CNTNAP2: variants seen among roughly 807,000 people sequenced by gnomAD.
CNTNAP2 encodes the protein contactin associated protein 2.
In CNTNAP2, 98 loss-of-function variants were observed where a neutral mutation model predicts 155.2. That is an observed-to-expected ratio of 0.63 (90% CI 0.54 to 0.75). The LOEUF is 0.75. Ranked by LOEUF, CNTNAP2 falls within the 30% of genes least tolerant of loss-of-function variation. The pLI, the probability that CNTNAP2 is intolerant of heterozygous loss-of-function variation, is 0.00. For missense variants in CNTNAP2, 1,727 were observed against 1,688.1 expected (o/e 1.02, Z -0.40); for synonymous variants, 651 against 631.2 (o/e 1.03, Z -0.47).
At chr7:148,157,220 AATT>A (rs1183576962) in intron 17 of CNTNAP2, among the ~76,000 whole-genome samples, 1 of 152,112 alleles carries the variant, frequency 6.6e-6, no homozygotes, top group Non-Finnish European at 1.5e-5. Context: ...AACCCCAGAA[AATT>A]ATTATTATTC....
intron 8 of CNTNAP2, among the ~76,000 whole-genome samples, chr7:147,185,759 G>T (rs1377732507): frequency 3.3e-5 from 5 of 152,130 alleles, no homozygotes; most frequent in Non-Finnish European, 5.9e-5. Context: ...ATCTTGAATT[G>T]TGGCTCCCAT....
chr7:147,300,877 G>A (rs544298134), intron 9 of CNTNAP2, among the ~76,000 whole-genome samples: 5 of 152,180 alleles, frequency 3.3e-5, no homozygotes, highest in African/African-American at 1.2e-4. Context: ...TCTCCCGGGG[G>A]TCACTGGGCA....
chr7:147,387,258 T>C (rs1052563468), intron 9 of CNTNAP2, among the ~76,000 whole-genome samples: 36 of 152,176 alleles, frequency 2.4e-4, no homozygotes, highest in Non-Finnish European at 2.9e-5. Flanking sequence ...TTTTTCTGAT[T>C]CTCCAGTCTC....
intron 21 of CNTNAP2, among the ~76,000 whole-genome samples, chr7:148,302,813 C>CTTTTTT (rs59354674): frequency 4.3e-4 from 37 of 86,912 alleles, no homozygotes; most frequent in East Asian, 7.7e-4. Flanking sequence ...CTCGATTATT[C>CTTTTTT]TTTTTTTTTT....
chr7:147,901,235 C>T (rs4725753), intron 13 of CNTNAP2, among the ~76,000 whole-genome samples: 21 of 151,996 alleles, frequency 1.4e-4, no homozygotes, highest in Admixed American at 1.3e-3. Flanking sequence ...CATCTAGCCT[C>T]CCTGAATCCA....
intron 8 of CNTNAP2, among the ~76,000 whole-genome samples, chr7:147,159,522 A>G (rs1345875764): frequency 6.6e-6 from 1 of 152,070 alleles, no homozygotes; most frequent in Admixed American, 6.6e-5. Flanking sequence ...AAAACATATA[A>G]CCAACTCTAT....
chr7:146,151,659 T>TAC (rs1330689776), intron 1 of CNTNAP2, among the ~76,000 whole-genome samples: 12 of 37,564 alleles, frequency 3.2e-4, no homozygotes, highest in Admixed American at 6.4e-4. Context: ...TATATATATA[T>TAC]ATATATATAT....
At position 147,966,835 on chromosome 7, in the gene CNTNAP2, T is replaced by A. The variant is rs78835249; in HGVS notation, c.2256-11027T>A. The stretch of plus-strand genomic sequence containing the variant: ...TTTAAAGGCACCCACCCAGGGGCCA[T>A]CAAGGCAAGAGTGAGGAGGAGTGTG... On this transcript the variant is annotated intron_variant, in intron 14 of 23. Coordinates refer to ENST00000361727, the MANE Select transcript of CNTNAP2 (RefSeq NM_014141.6). Among the ~76,000 whole-genome samples the A allele has an allele frequency of 5.1e-4, 78 of 152,184 alleles. No individual in the cohort carries two copies. In the East Asian group the frequency reaches 0.012, roughly 23 times the overall value.
intron 1 of CNTNAP2, among the ~76,000 whole-genome samples, chr7:146,462,875 A>G (rs1279049975): frequency 6.6e-6 from 1 of 152,154 alleles, no homozygotes; most frequent in Admixed American, 6.6e-5. Flanking sequence ...ATAGTCCAGA[A>G]ATTAGTAGTA....
intron 21 of CNTNAP2, among the ~76,000 whole-genome samples, chr7:148,328,602 C>G (rs1003921760): frequency 7.9e-5 from 12 of 152,110 alleles, no homozygotes; most frequent in African/African-American, 2.9e-4. Context: ...CACATCCACC[C>G]TCAAATCAGG....
intron 1 of CNTNAP2, among the ~76,000 whole-genome samples, chr7:146,245,925 TA>T (rs369834729): frequency 9.4e-6 from 1 of 106,008 alleles, no homozygotes; most frequent in African/African-American, 1.0e-4. Context: ...GGAGAGAGGA[TA>T]GGGTTTGGCA....
In CNTNAP2 at chr7:148,353,408, C is replaced by T. The variant is rs529782875; in HGVS notation, c.3476-30241C>T. Among the ~76,000 whole-genome samples, 90 of 152,268 alleles carry T rather than the reference C, an allele frequency of 5.9e-4. 1 individual carries two copies. Among genetic ancestry groups the T allele is most frequent in the African/African-American group, 2.0e-3 (85 of 41,552 alleles). On this transcript the variant is annotated intron_variant, in intron 21 of 23. Coordinates refer to ENST00000361727, the MANE Select transcript of CNTNAP2 (RefSeq NM_014141.6). Reference sequence around the variant, plus strand: ...GGAACTCGAGGGCAGCATGCTGCCTCGTTGTCCATAAAACACTCCCTTTTG... The same window carrying T: ...GGAACTCGAGGGCAGCATGCTGCCTTGTTGTCCATAAAACACTCCCTTTTG...
At position 147,919,459 on chromosome 7, in the gene CNTNAP2, C is replaced by CTTTCTTTCTTTTTTTTTTTTTTTTTTT. The variant is rs58537091; in HGVS notation, c.2255+15741_2255+15742insCTTTCTTTTTTTTTTTTTTTTTTTTTT. Among the ~76,000 whole-genome samples the CTTTCTTTCTTTTTTTTTTTTTTTTTTT allele has an allele frequency of 2.9e-4, 15 of 51,224 alleles. 2 individuals carry two copies. The highest frequency in any genetic ancestry group is 1.4e-3 in the African/African-American group (13 of 9,294). The allele number at this position is 51,224 out of a possible 152,430, so 33.6% of individuals were successfully genotyped here. On this transcript the variant is annotated intron_variant, in intron 14 of 23. Coordinates refer to ENST00000361727, the MANE Select transcript of CNTNAP2 (RefSeq NM_014141.6). ...CACCATGTCTGGCTACTTTTTCTTT[C>CTTTCTTTCTTTTTTTTTTTTTTTTTTT]TTTTTTTTTTTTTTTTTGAGACAGA...
chr7:147,132,110 C>T (rs973016987), intron 7 of CNTNAP2, 135 bp from the exon 8 acceptor site: 16 of 1,119,448 alleles, frequency 1.4e-5, no homozygotes, highest in South Asian at 5.1e-5. Context: ...AATCCATGCT[C>T]TGCTGCTGTG....
At chr7:147,143,547 T>C (rs1300781610) in intron 8 of CNTNAP2, among the ~76,000 whole-genome samples, 1 of 152,172 alleles carries the variant, frequency 6.6e-6, no homozygotes, top group Non-Finnish European at 1.5e-5. Flanking sequence ...ACTTATGGCA[T>C]GTTTCTAGAT....
At chr7:146,244,770 G>A (rs1053388470) in intron 1 of CNTNAP2, among the ~76,000 whole-genome samples, 3 of 152,086 alleles carry the variant, frequency 2.0e-5, no homozygotes, top group Non-Finnish European at 4.4e-5. Context: ...CTGACAGAAG[G>A]GAAGAAATGA....
intron 13 of CNTNAP2, among the ~76,000 whole-genome samples, chr7:147,641,024 G>A (rs972311189): frequency 2.0e-5 from 3 of 152,192 alleles, no homozygotes; most frequent in African/African-American, 7.2e-5. Context: ...ATGTTGCCAG[G>A]CACATGTGAG....
intron 1 of CNTNAP2, among the ~76,000 whole-genome samples, chr7:146,508,734 G>A (rs189384246): frequency 7.9e-5 from 12 of 152,310 alleles, no homozygotes; most frequent in Admixed American, 7.2e-4. Flanking sequence ...TGGTCAAGCA[G>A]CATCATCCCG....
chr7:146,191,696 G>A (rs1393175629), intron 1 of CNTNAP2, among the ~76,000 whole-genome samples: 1 of 152,122 alleles, frequency 6.6e-6, no homozygotes, highest in Non-Finnish European at 1.5e-5. Context: ...GTTCCTTGCT[G>A]AGAAAAAGAA....
Sources: allele counts gnomAD v4.1 joint callset (sites outside exome capture counted in the v4.1 genomes callset), GRCh38; gene constraint gnomAD v4.1.1; transcripts MANE v1.5; gene names NCBI Gene and HGNC (gene_info 2026-07-23, HGNC 2026-07-21).